The following NRG2 variants were observed in gnomAD, a reference collection of about 807,000 sequenced individuals.
The protein encoded by NRG2 is neuregulin 2, also known as pro-neuregulin-2, membrane-bound isoform.
Under a neutral mutation model 73.9 loss-of-function variants are expected in NRG2, and 27 were observed. The observed-to-expected ratio is 0.37, with a 90% CI of 0.27 to 0.50. NRG2 has a LOEUF of 0.50. Among genes scored for constraint, NRG2 ranks in the 20% least tolerant of loss-of-function variants. NRG2 has a pLI of 0.96. For synonymous variants in NRG2, 532 were observed against 541.0 expected (o/e 0.98, Z 0.23); for missense variants, 1,126 against 1,210.1 (o/e 0.93, Z 1.03).
intron 1 of NRG2, among the ~76,000 whole-genome samples, chr5:139,944,582 C>G (rs930756810): frequency 6.6e-6 from 1 of 152,136 alleles, no homozygotes; most frequent in African/African-American, 2.4e-5. Flanking sequence ...CCATGAATGA[C>G]AGGATTTCAT....
intron 5 of NRG2, chr5:139,859,885 A>C: frequency 1.2e-6 from 2 of 1,612,492 alleles, no homozygotes; most frequent in Non-Finnish European, 1.7e-6. Flanking sequence ...CAGAGGTTTC[A>C]TACCCTTTAA....
At chr5:139,905,451 A>G (rs1765166763) in intron 1 of NRG2, among the ~76,000 whole-genome samples, 1 of 152,186 alleles carries the variant, frequency 6.6e-6, no homozygotes, top group Admixed American at 6.5e-5. Flanking sequence ...CTGTCTCCTC[A>G]GGAAGGGTCC....
At chr5:139,989,220 T>A (rs184197392) in intron 1 of NRG2, among the ~76,000 whole-genome samples, 20 of 152,112 alleles carry the variant, frequency 1.3e-4, no homozygotes, top group Admixed American at 7.2e-4. Flanking sequence ...ATTCTGTTCA[T>A]TACTCTCCAT....
At chr5:139,977,147 G>T (rs962348579) in intron 1 of NRG2, among the ~76,000 whole-genome samples, 5 of 152,062 alleles carry the variant, frequency 3.3e-5, no homozygotes, top group Admixed American at 2.0e-4. Flanking sequence ...TATAACAAAG[G>T]TACCACACTA....
intron 1 of NRG2, among the ~76,000 whole-genome samples, chr5:139,982,336 A>G (rs928915174): frequency 6.6e-6 from 1 of 151,962 alleles, no homozygotes; most frequent in African/African-American, 2.4e-5. Context: ...CCTCACTCCT[A>G]AAGCTGCTCC....
At chr5:139,973,543 G>T (rs192368162) in intron 1 of NRG2, among the ~76,000 whole-genome samples, 27 of 152,168 alleles carry the variant, frequency 1.8e-4, no homozygotes, top group Admixed American at 1.6e-3. Context: ...TGTGTTTTTT[G>T]TAGAGATGGG....
At chr5:139,896,938 A>G (rs1272030039) in intron 1 of NRG2, among the ~76,000 whole-genome samples, 1 of 152,216 alleles carries the variant, frequency 6.6e-6, no homozygotes, top group Non-Finnish European at 1.5e-5. Flanking sequence ...CAGGGCCCTC[A>G]GGGGATGTTT....
intron 3 of NRG2, among the ~76,000 whole-genome samples, chr5:139,880,343 G>A (rs1763445652): frequency 6.6e-6 from 1 of 152,198 alleles, no homozygotes; most frequent in African/African-American, 2.4e-5. Flanking sequence ...AAGACTTCAA[G>A]GAGTGAGGAT....
Position 140,032,736 on chromosome 5 carries a change from T to C in NRG2, c.700+9634A>G, listed in dbSNP as rs968362883. On this transcript the variant is annotated intron_variant, in intron 1 of 9. Coordinates refer to ENST00000361474, the MANE Select transcript of NRG2 (RefSeq NM_004883.3). ...GTGTGGCATTAAATGATAAGTGTTA[T>C]ATACATAATATAGGCCACAAATACT... Among the ~76,000 whole-genome samples, 6 of 152,326 alleles carry C rather than the reference T, an allele frequency of 3.9e-5. No individual in the cohort carries two copies. The South Asian group carries it at 1.0e-3, about 26-fold the overall frequency.
intron 1 of NRG2, among the ~76,000 whole-genome samples, chr5:139,964,982 T>A (rs558144169): frequency 6.6e-6 from 1 of 152,292 alleles, no homozygotes; most frequent in African/African-American, 2.4e-5. Flanking sequence ...TGGCTTTCAC[T>A]CTCCCAGCTT....
At chr5:139,994,522 T>G (rs1432028505) in intron 1 of NRG2, among the ~76,000 whole-genome samples, 4 of 152,234 alleles carry the variant, frequency 2.6e-5, no homozygotes, top group Non-Finnish European at 5.9e-5. Context: ...TTAACGGGTA[T>G]AGAGTTTCAG....
Position 139,887,214 on chromosome 5 carries a change from G to A in NRG2, c.872+126C>T, listed in dbSNP as rs941594892. 3 of 1,092,842 alleles carry A rather than the reference G, an allele frequency of 2.7e-6. No individual in the cohort carries two copies. The African/African-American group carries it at 4.7e-5, about 17-fold the overall frequency. The allele number at this position is 1,092,842 out of a possible 1,614,324, so 67.7% of individuals were successfully genotyped here. ...TGGCAAGGAAGGGGAGTATGGAGAG[G>A]GGCTGGGACTGGTTCCATGGGTGAG... is the stretch of plus-strand genomic sequence containing the variant. On this transcript the variant is annotated intron_variant, in intron 2 of 9. Coordinates refer to ENST00000361474, the MANE Select transcript of NRG2 (RefSeq NM_004883.3). The surrounding 1 kb of genome is among the most constrained non-coding windows in gnomAD (Gnocchi z 4.5).
At chr5:139,990,245 T>G (rs1313507376) in intron 1 of NRG2, among the ~76,000 whole-genome samples, 1 of 152,038 alleles carries the variant, frequency 6.6e-6, no homozygotes, top group Non-Finnish European at 1.5e-5. Flanking sequence ...TTTGCCAAAC[T>G]GTTCACCAGT....
At chr5:139,953,593 G>A (rs1318192698) in intron 1 of NRG2, among the ~76,000 whole-genome samples, 1 of 152,162 alleles carries the variant, frequency 6.6e-6, no homozygotes, top group Admixed American at 6.5e-5. Flanking sequence ...CTGCACTAGG[G>A]CCCAGCCAGC....
rs146080673 is a variant in NRG2, at chr5:139,868,035, G to T, written c.1113-2410C>A. Among the ~76,000 whole-genome samples, 4 of 152,028 alleles carry T rather than the reference G, an allele frequency of 2.6e-5. No individual in the cohort carries two copies. Among genetic ancestry groups the T allele is most frequent in the African/African-American group, 9.7e-5 (4 of 41,348 alleles). ...CTACAGACTTACATCTTTCATGGCC[G>T]CTGAGTTGCACAACATTATGGTCCT... is the stretch of plus-strand genomic sequence containing the variant. On this transcript the variant is annotated intron_variant, in intron 4 of 9. Coordinates refer to ENST00000361474, the MANE Select transcript of NRG2 (RefSeq NM_004883.3). The surrounding 1 kb of genome is among the most constrained non-coding windows in gnomAD (Gnocchi z 4.2).
intron 1 of NRG2, among the ~76,000 whole-genome samples, chr5:139,895,942 T>C (rs914693245): frequency 2.2e-4 from 33 of 152,344 alleles, no homozygotes; most frequent in Admixed American, 2.1e-3. Flanking sequence ...AGGCCGTCTC[T>C]TGCTCAGGGA....
chr5:139,849,483 C>A (rs576195639), intron 9 of NRG2, among the ~76,000 whole-genome samples: 7 of 152,260 alleles, frequency 4.6e-5, no homozygotes, highest in African/African-American at 1.7e-4. Flanking sequence ...ACCACCAGCT[C>A]CTTCAGAAGT....
At chr5:139,903,146 A>T (rs975001565) in intron 1 of NRG2, among the ~76,000 whole-genome samples, 2 of 148,660 alleles carry the variant, frequency 1.3e-5, no homozygotes, top group Non-Finnish European at 2.9e-5. Flanking sequence ...GCTTCCCGTC[A>T]AACGCTCTTT....
chr5:139,957,484 G>A (rs1214478809), intron 1 of NRG2, among the ~76,000 whole-genome samples: 2 of 152,180 alleles, frequency 1.3e-5, no homozygotes, highest in African/African-American at 4.8e-5. Flanking sequence ...AGAAGGAGAG[G>A]TCTGCAGAGG....
Sources: gnomAD v4.1 joint callset for allele counts (sites outside exome capture counted in the v4.1 genomes callset) on GRCh38, gnomAD v4.1.1 for gene constraint, Gnocchi (gnomAD v3.1) non-coding constraint, MANE v1.5 for transcripts, NCBI Gene and HGNC (gene_info 2026-07-23, HGNC 2026-07-21) for gene names.